Variants in ABCA8 observed in about 807,000 individuals in gnomAD.
ABCA8 encodes ATP binding cassette subfamily A member 8.
A neutral mutation model predicts 192.3 loss-of-function variants in ABCA8; 177 were observed. The observed-to-expected ratio is 0.92, with a 90% CI of 0.81 to 1.04. The LOEUF is 1.04. Ranked by LOEUF, ABCA8 falls within the 50% of genes least tolerant of loss-of-function variation. The probability of loss-of-function intolerance (pLI) is 0.00; values close to 1 mark genes in which losing one functional copy is unlikely to be tolerated. For synonymous variants in ABCA8, 642 were observed against 690.2 expected (o/e 0.93, Z 1.09); for missense variants, 1,915 against 1,904.8 (o/e 1.01, Z -0.10).
Position 68,940,746 on chromosome 17 carries a change from T to C in ABCA8, c.301+12A>G. 1 of 1,605,842 alleles carries C rather than the reference T, an allele frequency of 6.2e-7. No homozygotes were observed. Among genetic ancestry groups the C allele is most frequent in the Non-Finnish European group, 8.5e-7 (1 of 1,172,812 alleles). On this transcript the variant is annotated intron_variant, in intron 4 of 39. Coordinates refer to ENST00000586539, the MANE Select transcript of ABCA8 (RefSeq NM_001288985.2). Reference sequence around the variant, plus strand: ...ACACCAGACATTCTTCTTAAGTAACTAGAAAACTTACCTGCCAGGAAGGGA... The same window carrying C: ...ACACCAGACATTCTTCTTAAGTAACCAGAAAACTTACCTGCCAGGAAGGGA...
chr17:68,907,950 C>T, intron 17 of ABCA8, 71 bp from the exon 18 acceptor site: 1 of 1,379,764 alleles, frequency 7.2e-7, no homozygotes, highest in Non-Finnish European at 9.6e-7. Context: ...AAATAATTAA[C>T]TAGTCTCTAT....
chr17:68,872,111 G>T (rs1219790119), intron 37 of ABCA8, among the ~76,000 whole-genome samples: 1 of 151,816 alleles, frequency 6.6e-6, no homozygotes, highest in African/African-American at 2.4e-5. Flanking sequence ...AAATCATGCT[G>T]CTATAAAGAC....
At position 68,882,635 on chromosome 17, in the gene ABCA8, T is replaced by C. The variant is rs781509022; in HGVS notation, c.3792A>G (p.Arg1264=). The change falls in exon 30 of 40, where the codon AGA becomes AGG. Residue 1264 remains arginine, a synonymous_variant. Coordinates refer to ENST00000586539, the MANE Select transcript of ABCA8 (RefSeq NM_001288985.2). ...TAGTAGAATTCAAGGCATTTGCTGTTCTCACTCTTTCCATCTGAACATCTT... is the reference window on the plus strand; with the variant it reads ...TAGTAGAATTCAAGGCATTTGCTGTCCTCACTCTTTCCATCTGAACATCTT... ...EDEDVQMERV[R]TANALNSTNF... 2 of 1,612,928 alleles carry C rather than the reference T, an allele frequency of 1.2e-6. No homozygotes were observed. Among genetic ancestry groups the C allele is most frequent in the Non-Finnish European group, 1.7e-6 (2 of 1,179,502 alleles).
chr17:68,918,434 T>A lies in ABCA8; in HGVS notation c.1901A>T (p.Asp634Val). The change falls in exon 15 of 40, where the codon GAT becomes GTT. Residue 634 changes from aspartate (D) to valine (V), a missense_variant. By Grantham distance (152) the Asp-to-Val change is radical. Coordinates refer to ENST00000586539, the MANE Select transcript of ABCA8 (RefSeq NM_001288985.2). The part of the protein sequence containing the change: ...KLTFGIAILG[D>V]PQIFLLDEPT... ...AAATTCAATGTGACTCACCTGAGGA[T>A]CTCCTAAAATGGCAATCCCAAAGGT... The A allele has an allele frequency of 6.4e-7, 1 of 1,573,742 alleles. No homozygotes were observed.
chr17:68,881,282 C>A (rs960406067), intron 31 of ABCA8, 71 bp from the exon 32 acceptor site: 2 of 1,086,028 alleles, frequency 1.8e-6, no homozygotes, highest in Admixed American at 3.9e-5. Flanking sequence ...TAGTTGAAAT[C>A]TCACTATGTG....
chr17:68,908,375 AT>A (rs1373657309), intron 17 of ABCA8, among the ~76,000 whole-genome samples: 1 of 152,234 alleles, frequency 6.6e-6, no homozygotes, highest in Non-Finnish European at 1.5e-5. Context: ...TCCAATGCAA[AT>A]TTACTAAGTT....
intron 33 of ABCA8, 104 bp from the exon 34 acceptor site, chr17:68,876,807 G>A: frequency 7.3e-7 from 1 of 1,377,296 alleles, no homozygotes. Flanking sequence ...TGCAGTTCTG[G>A]AAATACATGT....
At chr17:68,898,720 T>C (rs16973416) in intron 21 of ABCA8, among the ~76,000 whole-genome samples, 24,561 of 152,098 alleles carry the variant, frequency 0.16, 2,424 homozygotes, top group East Asian at 0.29. Flanking sequence ...CCTAGCTGTA[T>C]TGGAGTAAGG....
chr17:68,879,578 A>T (rs367964816), intron 32 of ABCA8: 1 of 152,494 alleles, frequency 6.6e-6, no homozygotes. Context: ...CACAGCAAAG[A>T]TGCTGGCTGT....
chr17:68,871,697 C>T (rs192154411), intron 37 of ABCA8, among the ~76,000 whole-genome samples: 146 of 152,152 alleles, frequency 9.6e-4, no homozygotes, highest in African/African-American at 3.3e-3. Context: ...ACAGTGACCC[C>T]GTAAGCTTAT....
intron 5 of ABCA8, among the ~76,000 whole-genome samples, chr17:68,935,821 G>A (rs1429456463): frequency 6.6e-6 from 1 of 152,006 alleles, no homozygotes; most frequent in African/African-American, 2.4e-5. Flanking sequence ...CGATGTATAA[G>A]TGTTATCTTT....
At chr17:68,919,249 G>T in intron 14 of ABCA8, 52 bp downstream of exon 14, 2 of 1,481,402 alleles carry the variant, frequency 1.4e-6, no homozygotes, top group South Asian at 1.3e-5. Context: ...AGTGCAAATG[G>T]TTTTAATAAT....
intron 4 of ABCA8, among the ~76,000 whole-genome samples, chr17:68,940,283 A>T (rs556478546): frequency 9.1e-4 from 139 of 152,162 alleles, no homozygotes; most frequent in Non-Finnish European, 1.8e-3. Context: ...TAGAGCAAGC[A>T]CATGTTTTTG....
chr17:68,907,638 G>A, intron 18 of ABCA8, 102 bp downstream of exon 18: 1 of 1,043,676 alleles, frequency 9.6e-7, no homozygotes, highest in South Asian at 2.6e-5. Context: ...CAGTACCTGA[G>A]CATACTGTAA....
intron 17 of ABCA8, among the ~76,000 whole-genome samples, chr17:68,914,357 C>T (rs2067299742): frequency 6.6e-6 from 1 of 152,030 alleles, no homozygotes; most frequent in African/African-American, 2.4e-5. Context: ...ATAAAATCAT[C>T]CTTGTGGGCA....
In ABCA8 at chr17:68,902,662, T is replaced by C. The variant is rs750879490; in HGVS notation, c.2764+51A>G. The C allele has an allele frequency of 4.1e-6, 6 of 1,474,536 alleles. No individual in the cohort carries two copies. The Admixed American group carries it at 1.1e-4, about 27-fold the overall frequency. The allele number at this position is 1,474,536 out of a possible 1,614,324, so 91.3% of individuals were successfully genotyped here. A position where few individuals can be genotyped will look rare whatever the true frequency, so the allele number is the denominator to read the frequency against. On this transcript the variant is annotated intron_variant, in intron 21 of 39. Transcript: ENST00000586539. ...CTTTCTCATGGTTATGTTTTCTAAG[T>C]ACTGCTCTGAACAGTAAATGTATTT... is the stretch of plus-strand genomic sequence containing the variant.
chr17:68,884,825 A>G (rs1429556074), intron 27 of ABCA8: 1 of 985,280 alleles, frequency 1.0e-6, no homozygotes, highest in Non-Finnish European at 1.2e-6. Flanking sequence ...TCAGCCAGAA[A>G]AAAGGACTTT....
chr17:68,872,149 T>C (rs1236374226), intron 37 of ABCA8, among the ~76,000 whole-genome samples: 1 of 151,854 alleles, frequency 6.6e-6, no homozygotes, highest in East Asian at 1.9e-4. Context: ...TATTGCGGCA[T>C]TATTCACAAT....
At chr17:68,932,258 G>A (rs371385023) in intron 7 of ABCA8, 30 bp downstream of exon 7, 22 of 1,523,706 alleles carry the variant, frequency 1.4e-5, no homozygotes, top group African/African-American at 5.6e-5. Context: ...GAGTTCCTCC[G>A]TTTATTTATT....
Sources: gnomAD v4.1 joint callset for allele counts (sites outside exome capture counted in the v4.1 genomes callset) on GRCh38, gnomAD v4.1.1 for gene constraint, MANE v1.5 for transcripts, NCBI Gene and HGNC (gene_info 2026-07-23, HGNC 2026-07-21) for gene names.